Variants in NUMB observed in about 807,000 individuals in gnomAD.
NUMB encodes the protein NUMB endocytic adaptor protein.
Under a neutral mutation model 59.7 loss-of-function variants are expected in NUMB, and 29 were observed. The ratio of observed to expected loss-of-function variants is 0.49; its 90% CI spans 0.36 to 0.66. The LOEUF (loss-of-function observed/expected upper bound fraction) is 0.66, where lower values mean the gene tolerates loss of function less well. Among genes scored for constraint, NUMB ranks in the 30% least tolerant of loss-of-function variants. The pLI, the probability that NUMB is intolerant of heterozygous loss-of-function variation, is 0.00. For missense variants in NUMB, 723 were observed against 822.0 expected (o/e 0.88, Z 1.47); for synonymous variants, 288 against 288.2 (o/e 1.00, Z 0.01).
chr14:73,384,341 G>A (rs536595518), intron 2 of NUMB, among the ~76,000 whole-genome samples: 165 of 151,798 alleles, frequency 1.1e-3, no homozygotes, highest in Middle Eastern at 3.4e-3. Context: ...CACCCGCCTC[G>A]GCCTCCCAAA....
Position 73,287,321 on chromosome 14 carries a change from G to A in NUMB, c.451-7C>T, listed in dbSNP as rs748657167. The A allele has an allele frequency of 3.1e-6, 5 of 1,602,440 alleles. No individual in the cohort carries two copies. The highest frequency in any genetic ancestry group is 4.3e-6 in the Non-Finnish European group (5 of 1,172,590). On this transcript the variant is annotated splice_polypyrimidine_tract_variant and splice_region_variant and intron_variant, in intron 8 of 12. Transcript: ENST00000555238. The stretch of plus-strand genomic sequence containing the variant: ...CATGGCTCAACCTTTCACCCTGTAA[G>A]AGCAGATTTTAAAAGCTTTTCAGAA...
chr14:73,450,472 GA>G (rs930282195), intron 1 of NUMB, among the ~76,000 whole-genome samples: 3 of 152,094 alleles, frequency 2.0e-5, no homozygotes, highest in East Asian at 1.9e-4. Flanking sequence ...TAGTTTGGAG[GA>G]AAAAAAAGTT....
intron 1 of NUMB, among the ~76,000 whole-genome samples, chr14:73,442,201 A>AC (rs1883114607): frequency 6.6e-6 from 1 of 150,948 alleles, no homozygotes; most frequent in Admixed American, 6.6e-5. Flanking sequence ...GAAAAAAAAA[A>AC]GAAAAAAGAA....
intron 5 of NUMB, among the ~76,000 whole-genome samples, chr14:73,318,031 C>T (rs775626901): frequency 1.3e-5 from 2 of 152,146 alleles, no homozygotes; most frequent in African/African-American, 2.4e-5. Context: ...ACATTTTGAA[C>T]TGCAACTGGA....
At chr14:73,315,823 T>C (rs1891055518) in intron 6 of NUMB, among the ~76,000 whole-genome samples, 2 of 152,216 alleles carry the variant, frequency 1.3e-5, no homozygotes, top group South Asian at 4.1e-4. Context: ...GATCAAATGA[T>C]ATTTATTTTA....
At chr14:73,403,576 GCACA>G (rs1362234452) in intron 2 of NUMB, among the ~76,000 whole-genome samples, 3 of 152,192 alleles carry the variant, frequency 2.0e-5, no homozygotes, top group Non-Finnish European at 4.4e-5. Flanking sequence ...GCTCTGAATT[GCACA>G]CATGGTAAGA....
At position 73,297,176 on chromosome 14, in the gene NUMB, AT is replaced by A. The variant is rs779560459; in HGVS notation, c.309+34del. The stretch of plus-strand genomic sequence containing the variant: ...GAGTGAAACTCCATCTCCAAAAAAA[AT>A]AAAATAAATCAAAATAAAAATAAAG... On this transcript the variant is annotated intron_variant, in intron 7 of 12. Coordinates refer to ENST00000555238, the MANE Select transcript of NUMB (RefSeq NM_001005743.2). 2.8e-6 allele frequency: 4 copies of A among 1,426,656 alleles called. No homozygotes were observed. In the South Asian group the frequency reaches 3.6e-5, roughly 13 times the overall value. The allele number at this position is 1,426,656 out of a possible 1,614,324, so 88.4% of individuals were successfully genotyped here. A position where few individuals can be genotyped will look rare whatever the true frequency, so the allele number is the denominator to read the frequency against.
intron 4 of NUMB, among the ~76,000 whole-genome samples, chr14:73,332,961 C>T (rs991900229): frequency 6.6e-6 from 1 of 152,152 alleles, no homozygotes; most frequent in Non-Finnish European, 1.5e-5. Context: ...ACCTGAGTGA[C>T]ATTCCATTGT....
intron 1 of NUMB, among the ~76,000 whole-genome samples, chr14:73,422,760 A>C (rs1897407577): frequency 6.6e-6 from 1 of 152,138 alleles, no homozygotes; most frequent in African/African-American, 2.4e-5. Context: ...TTTATCACCA[A>C]GGAGATAATG....
intron 1 of NUMB, among the ~76,000 whole-genome samples, chr14:73,451,746 A>C (rs1353641245): frequency 6.6e-6 from 1 of 152,188 alleles, no homozygotes; most frequent in Non-Finnish European, 1.5e-5. Flanking sequence ...GCCAATCTTA[A>C]ATAAAGTTAC....
chr14:73,313,856 G>A (rs984782215), intron 6 of NUMB, among the ~76,000 whole-genome samples: 3 of 148,654 alleles, frequency 2.0e-5, no homozygotes, highest in African/African-American at 7.4e-5. Context: ...CACCGAGGCT[G>A]GAGTGCAATG....
chr14:73,347,566 C>T (rs1473647483), intron 4 of NUMB, among the ~76,000 whole-genome samples: 2 of 152,194 alleles, frequency 1.3e-5, no homozygotes, highest in Non-Finnish European at 2.9e-5. Flanking sequence ...CTCAGGATTG[C>T]ACTGCAAGTG....
At chr14:73,389,290 A>C (rs1240760067) in intron 2 of NUMB, among the ~76,000 whole-genome samples, 16 of 88,520 alleles carry the variant, frequency 1.8e-4, no homozygotes, top group East Asian at 9.2e-4. Flanking sequence ...AAAAAAAAAA[A>C]AAACAAAAAC....
chr14:73,445,383 A>C (rs1566800985), intron 1 of NUMB, among the ~76,000 whole-genome samples: 1 of 145,156 alleles, frequency 6.9e-6, no homozygotes, highest in African/African-American at 2.5e-5. Context: ...AAAAAAAAAA[A>C]AAAAAAAAAA....
intron 11 of NUMB, 119 bp from the exon 12 acceptor site, chr14:73,279,543 G>T: frequency 2.1e-6 from 2 of 935,550 alleles, no homozygotes; most frequent in Non-Finnish European, 1.5e-6. Context: ...AGAGAGAAGA[G>T]TTGATGTTTG....
chr14:73,317,837 T>C (rs542692079), intron 5 of NUMB, among the ~76,000 whole-genome samples: 29 of 152,314 alleles, frequency 1.9e-4, no homozygotes, highest in African/African-American at 7.0e-4. Flanking sequence ...GAAATATACT[T>C]TAAGCCTTTA....
In NUMB at chr14:73,279,578, GATGTACATACC is replaced by G. The variant is rs562955911; in HGVS notation, c.1097-165_1097-155del. Among the ~76,000 whole-genome samples the G allele has an allele frequency of 1.7e-4, 26 of 152,338 alleles. No homozygotes were observed. The South Asian group carries it at 5.4e-3, about 32-fold the overall frequency. Reference sequence around the variant, plus strand: ...GGGAAAACCATGATATCTTGCATTGGATGTACATACCATTAGGCAAAGAAGCAATCAGAGAT... The same window carrying G: ...GGGAAAACCATGATATCTTGCATTGGATTAGGCAAAGAAGCAATCAGAGAT... On this transcript the variant is annotated intron_variant, in intron 11 of 12. Coordinates refer to ENST00000555238, the MANE Select transcript of NUMB (RefSeq NM_001005743.2).
intron 8 of NUMB, 103 bp downstream of exon 8, chr14:73,292,631 G>A: frequency 2.6e-6 from 3 of 1,148,514 alleles, no homozygotes; most frequent in Non-Finnish European, 3.7e-6. Flanking sequence ...GCACTTCCAA[G>A]TACTTGTTAA....
At chr14:73,345,307 G>T (rs1892849643) in intron 4 of NUMB, among the ~76,000 whole-genome samples, 1 of 152,104 alleles carries the variant, frequency 6.6e-6, no homozygotes, top group Admixed American at 6.5e-5. Context: ...AATACACATG[G>T]ATACAAAGAT....
Sources: gnomAD v4.1 joint callset for allele counts (sites outside exome capture counted in the v4.1 genomes callset) on GRCh38, gnomAD v4.1.1 for gene constraint, MANE v1.5 for transcripts, NCBI Gene and HGNC (gene_info 2026-07-23, HGNC 2026-07-21) for gene names.